RBFOX1: variants seen among roughly 807,000 people sequenced by gnomAD.
RBFOX1 encodes RNA binding fox-1 homolog 1, also known as RNA binding protein fox-1 homolog 1.
Under a neutral mutation model 57.7 loss-of-function variants are expected in RBFOX1, and 8 were observed. That is an observed-to-expected ratio of 0.14 (90% CI 0.08 to 0.25). RBFOX1 has a LOEUF of 0.25. Ranked by LOEUF, RBFOX1 falls within the 10% of genes least tolerant of loss-of-function variation. The probability of loss-of-function intolerance (pLI) is 1.00; values close to 1 mark genes in which losing one functional copy is unlikely to be tolerated. For synonymous variants in RBFOX1, 326 were observed against 222.4 expected (o/e 1.47, Z -4.15); for missense variants, 611 against 548.5 (o/e 1.11, Z -1.14).
chr16:7,062,590 G>C lies in RBFOX1; in HGVS notation c.27+10492G>C, dbSNP rs142731650. Among the ~76,000 whole-genome samples, 1,170 of 152,222 alleles carry C rather than the reference G, an allele frequency of 7.7e-3. 8 individuals are homozygous for C. The highest frequency in any genetic ancestry group is 0.01 in the Non-Finnish European group (702 of 68,024). On this transcript the variant is annotated intron_variant, in intron 4 of 15. Coordinates refer to ENST00000550418, the MANE Select transcript of RBFOX1 (RefSeq NM_018723.4). ...TCTTTCACGTGTGCAGTCTTGGAGA[G>C]AGGATAAATCACAACACCTGTCCCT...
At chr16:5,303,145 A>G (rs1199360999) in intron 1 of RBFOX1, among the ~76,000 whole-genome samples, 1 of 152,238 alleles carries the variant, frequency 6.6e-6, no homozygotes, top group Non-Finnish European at 1.5e-5. Context: ...ATTCAGGAAT[A>G]CAGCTGCCTT....
chr16:6,310,282 A>G (rs2080093952), intron 1 of RBFOX1, among the ~76,000 whole-genome samples: 1 of 152,162 alleles, frequency 6.6e-6, no homozygotes, highest in African/African-American at 2.4e-5. Context: ...CTGGTTCCTT[A>G]TTTTTAGGAA....
At chr16:6,545,340 A>T (rs1183964044) in intron 2 of RBFOX1, among the ~76,000 whole-genome samples, 1 of 152,196 alleles carries the variant, frequency 6.6e-6, no homozygotes, top group African/African-American at 2.4e-5. Flanking sequence ...AAAAACGGAT[A>T]ACTTGGCCTG....
rs13336951 is a variant in RBFOX1 at position 6,530,163 on chromosome 16, G to C, written c.-63-124440G>C. Among the ~76,000 whole-genome samples the C allele has an allele frequency of 4.9e-3, 744 of 152,286 alleles. 7 individuals carry two copies. The highest frequency in any genetic ancestry group is 0.017 in the African/African-American group (712 of 41,550). On this transcript the variant is annotated intron_variant, in intron 2 of 15. Transcript: ENST00000550418. Reference sequence around the variant, plus strand: ...CCCTTCTTTTATCTTAGAATGAAGAGGGAGGATTTTGTATGACTTTGGAGC... The same window carrying C: ...CCCTTCTTTTATCTTAGAATGAAGACGGAGGATTTTGTATGACTTTGGAGC...
chr16:6,361,777 A>G (rs1303001995), intron 2 of RBFOX1, among the ~76,000 whole-genome samples: 1 of 152,144 alleles, frequency 6.6e-6, no homozygotes, highest in Non-Finnish European at 1.5e-5. Flanking sequence ...TATTTTAAAG[A>G]TTTCCCCAGA....
chr16:6,953,167 C>G (rs562414929), intron 3 of RBFOX1, among the ~76,000 whole-genome samples: 8 of 152,176 alleles, frequency 5.3e-5, no homozygotes, highest in African/African-American at 1.7e-4. Context: ...GAAAAATAAC[C>G]ATGATCATTC....
chr16:7,363,595 G>C (rs1199183176), intron 4 of RBFOX1, among the ~76,000 whole-genome samples: 1 of 152,122 alleles, frequency 6.6e-6, no homozygotes, highest in Non-Finnish European at 1.5e-5. Context: ...AGTGTGCCGA[G>C]CAGCTGGGGA....
chr16:7,705,584 A>G (rs996704757), intron 14 of RBFOX1, among the ~76,000 whole-genome samples: 3 of 152,200 alleles, frequency 2.0e-5, no homozygotes, highest in Non-Finnish European at 4.4e-5. Context: ...TGAAAGAGGG[A>G]CAGAGGCAGC....
At chr16:5,897,016 C>CTTTTTATTTTTTTTTTTTTT (rs2058182397) in intron 4 of RBFOX1, among the ~76,000 whole-genome samples, 1 of 56,460 alleles carries the variant, frequency 1.8e-5, no homozygotes, top group African/African-American at 7.7e-5. Flanking sequence ...TATCCATCCG[C>CTTTTTATTTTTTTTTTTTTT]TTTTTTTTTT....
intron 4 of RBFOX1, among the ~76,000 whole-genome samples, chr16:7,107,973 T>A (rs1453508823): frequency 6.8e-6 from 1 of 146,696 alleles, no homozygotes; most frequent in African/African-American, 2.5e-5. Flanking sequence ...TTTTGAAAAA[T>A]GCAATTGACC....
chr16:6,640,563 A>C (rs1482330005), intron 2 of RBFOX1, among the ~76,000 whole-genome samples: 2 of 152,124 alleles, frequency 1.3e-5, no homozygotes, highest in Non-Finnish European at 2.9e-5. Context: ...AGCTGTGATC[A>C]TGCCACTGCA....
chr16:7,221,178 G>A (rs1420207788), intron 4 of RBFOX1, among the ~76,000 whole-genome samples: 3 of 152,196 alleles, frequency 2.0e-5, no homozygotes, highest in African/African-American at 7.2e-5. Context: ...ATTTTAGAGA[G>A]TGTGAATTAA....
At chr16:7,173,982 A>G (rs1043711008) in intron 4 of RBFOX1, among the ~76,000 whole-genome samples, 5 of 152,218 alleles carry the variant, frequency 3.3e-5, no homozygotes, top group East Asian at 3.8e-4. Context: ...GTCTTCCAAG[A>G]AAGAGTTCAG....
intron 1 of RBFOX1, among the ~76,000 whole-genome samples, chr16:5,273,640 T>G (rs891516941): frequency 6.6e-6 from 1 of 152,032 alleles, no homozygotes; most frequent in African/African-American, 2.4e-5. Flanking sequence ...GAAGCCAAGA[T>G]GAAGAGAAGG....
intron 14 of RBFOX1, among the ~76,000 whole-genome samples, chr16:7,703,048 G>A (rs1213281584): frequency 6.6e-6 from 1 of 152,214 alleles, no homozygotes; most frequent in South Asian, 2.1e-4. Flanking sequence ...ACAGGGAAGT[G>A]AAAGAGAACA....
intron 3 of RBFOX1, among the ~76,000 whole-genome samples, chr16:6,993,453 C>T (rs1171713938): frequency 6.6e-6 from 1 of 152,130 alleles, no homozygotes; most frequent in Non-Finnish European, 1.5e-5. Context: ...AGGGATCCAT[C>T]AGAGTGGGAA....
chr16:6,771,182 A>G (rs946403586), intron 3 of RBFOX1, among the ~76,000 whole-genome samples: 2 of 152,124 alleles, frequency 1.3e-5, no homozygotes, highest in Non-Finnish European at 2.9e-5. Flanking sequence ...AAGCCAAGGA[A>G]AGAGGCTTCA....
intron 9 of RBFOX1, among the ~76,000 whole-genome samples, chr16:7,600,885 G>A (rs1018447195): frequency 6.6e-6 from 1 of 152,182 alleles, no homozygotes; most frequent in South Asian, 2.1e-4. Context: ...AAAAGCTGTA[G>A]AATGAGCCGT....
intron 3 of RBFOX1, among the ~76,000 whole-genome samples, chr16:6,874,744 A>G (rs1360996842): frequency 1.3e-5 from 2 of 152,016 alleles, no homozygotes; most frequent in Admixed American, 6.6e-5. Flanking sequence ...AAAAGCATAA[A>G]AAATGACATA....
Sources: allele counts gnomAD v4.1 joint callset (sites outside exome capture counted in the v4.1 genomes callset), GRCh38; gene constraint gnomAD v4.1.1; transcripts MANE v1.5; gene names NCBI Gene and HGNC (gene_info 2026-07-23, HGNC 2026-07-21).